ADAM12: variants seen among roughly 807,000 people sequenced by gnomAD.
ADAM12 encodes disintegrin and metalloproteinase domain-containing protein 12.
In ADAM12, 70 loss-of-function variants were observed where a neutral mutation model predicts 106.4. That is an observed-to-expected ratio of 0.66 (90% CI 0.54 to 0.80). The LOEUF (loss-of-function observed/expected upper bound fraction) is 0.80, where lower values mean the gene tolerates loss of function less well. Among genes scored for constraint, ADAM12 ranks in the 30% least tolerant of loss-of-function variants. The pLI is 0.00. For synonymous variants in ADAM12, 420 were observed against 433.5 expected (o/e 0.97, Z 0.39); for missense variants, 1,010 against 1,171.9 (o/e 0.86, Z 2.02).
Position 126,135,629 on chromosome 10 carries a change from C to T in ADAM12, c.371G>A (p.Gly124Glu), listed in dbSNP as rs1476451891. Residue 124 changes from glycine to glutamate, a missense_variant, in exon 5 of 23, where the codon GGA (glycine) becomes GAA (glutamate). Transcript: ENST00000448723. ...GHCYYHGHVR[G>E]YSDSAVSLST... ...GAGACTGACTGCTGAATCAGAATATCCCCGTACATGTCCATGGTAGTAACA... is the reference window on the plus strand; with the variant it reads ...GAGACTGACTGCTGAATCAGAATATTCCCGTACATGTCCATGGTAGTAACA... 1.2e-6 allele frequency: 2 copies of T among 1,614,188 alleles called. No individual in the cohort carries two copies. The highest frequency in any genetic ancestry group is 2.2e-5 in the South Asian group (2 of 91,074).
At chr10:126,191,440 A>G (rs773702475) in intron 3 of ADAM12, among the ~76,000 whole-genome samples, 1 of 152,154 alleles carries the variant, frequency 6.6e-6, no homozygotes, top group Non-Finnish European at 1.5e-5. Context: ...GCATGAGTCC[A>G]GATGAAAGGT....
intron 3 of ADAM12, among the ~76,000 whole-genome samples, chr10:126,250,216 A>G (rs2133679926): frequency 6.6e-6 from 1 of 152,202 alleles, no homozygotes; most frequent in East Asian, 1.9e-4. Context: ...TCAAGGACTC[A>G]ATAAACCCAA....
At chr10:126,040,223 G>GACTT (rs1954136366) in intron 18 of ADAM12, among the ~76,000 whole-genome samples, 1 of 152,338 alleles carries the variant, frequency 6.6e-6, no homozygotes, top group East Asian at 1.9e-4. Context: ...TAAATGCTCA[G>GACTT]ACTTAGAGGA....
intron 3 of ADAM12, among the ~76,000 whole-genome samples, chr10:126,185,964 T>C (rs918562443): frequency 3.9e-5 from 6 of 152,206 alleles, no homozygotes; most frequent in Non-Finnish European, 7.3e-5. Flanking sequence ...TGATATTTTG[T>C]TTAAATGTTC....
chr10:126,093,910 T>G, intron 11 of ADAM12, 75 bp downstream of exon 11: 1 of 1,576,046 alleles, frequency 6.3e-7, no homozygotes, highest in South Asian at 1.2e-5. Flanking sequence ...CCAGAGACAC[T>G]TTGACTCATC....
At chr10:126,283,558 G>T (rs1027246328) in intron 2 of ADAM12, among the ~76,000 whole-genome samples, 4 of 152,174 alleles carry the variant, frequency 2.6e-5, no homozygotes, top group African/African-American at 9.7e-5. Flanking sequence ...TCAGTAGCAA[G>T]ACAGAGCACC....
chr10:126,086,680 AATAT>A lies in ADAM12; in HGVS notation c.1145+7301_1145+7304del, dbSNP rs1210379675. ...AAAAAAAAAAAAAAAAAAAAAAAAAAATATATATATATATATATATATATATAAA... is the reference window on the plus strand; with the variant it reads ...AAAAAAAAAAAAAAAAAAAAAAAAAAATATATATATATATATATATATAAA... On this transcript the variant is annotated intron_variant, in intron 11 of 22. Coordinates refer to ENST00000448723, the MANE Select transcript of ADAM12 (RefSeq NM_001288973.2). Among the ~76,000 whole-genome samples, 58 of 24,266 alleles carry A rather than the reference AATAT, an allele frequency of 2.4e-3. 1 individual carries two copies. Among genetic ancestry groups the A allele is most frequent in the Admixed American group, 5.5e-3 (7 of 1,264 alleles). 15.9% of individuals were successfully genotyped at this position (24,266 alleles called of 152,430 possible).
rs1386777420 is a variant in ADAM12 at position 126,017,120 on chromosome 10, A to G, written c.*159T>C. Reference sequence around the variant, plus strand: ...TACCTGAGCAAGTAGACAGAGCACCATAGCACAGCACAGCACTGACGGCAG... The same window carrying G: ...TACCTGAGCAAGTAGACAGAGCACCGTAGCACAGCACAGCACTGACGGCAG... On this transcript the variant is annotated 3_prime_UTR_variant, in exon 23 of 23. Transcript: ENST00000448723. 3.8e-5 allele frequency: 24 copies of G among 639,958 alleles called. 1 individual carries two copies. Among genetic ancestry groups the G allele is most frequent in the South Asian group, 1.1e-4 (5 of 44,846 alleles). The allele number at this position is 639,958 out of a possible 1,614,324, so 39.6% of individuals were successfully genotyped here. A position where few individuals can be genotyped will look rare whatever the true frequency, so the allele number is the denominator to read the frequency against.
chr10:126,203,549 A>G (rs1359247202), intron 3 of ADAM12, among the ~76,000 whole-genome samples: 3 of 152,222 alleles, frequency 2.0e-5, no homozygotes. Context: ...TCAGGAAGAA[A>G]AATGATTTGG....
At chr10:126,355,830 C>A (rs1355773996) in intron 1 of ADAM12, among the ~76,000 whole-genome samples, 1 of 152,194 alleles carries the variant, frequency 6.6e-6, no homozygotes, top group Admixed American at 6.5e-5. Flanking sequence ...CTCTGTGTAT[C>A]TTCCAGTGGC....
Position 126,107,749 on chromosome 10 carries a change from C to T in ADAM12, c.741+844G>A, listed in dbSNP as rs1308652325. ...AATTGCTGGGGAGCTTCTGAAAATT[C>T]GAGGTCTAACCTCCCCCCCGCCCTG... is the stretch of plus-strand genomic sequence containing the variant. On this transcript the variant is annotated intron_variant, in intron 8 of 22. Coordinates refer to ENST00000448723, the MANE Select transcript of ADAM12 (RefSeq NM_001288973.2). Among the ~76,000 whole-genome samples, 5 of 152,130 alleles carry T rather than the reference C, an allele frequency of 3.3e-5. No homozygotes were observed. In the East Asian group the frequency reaches 5.8e-4, roughly 18 times the overall value.
intron 3 of ADAM12, among the ~76,000 whole-genome samples, chr10:126,168,823 CG>C (rs1957069812): frequency 6.6e-6 from 1 of 152,096 alleles, no homozygotes; most frequent in African/African-American, 2.4e-5. Flanking sequence ...GAGGCTGAGG[CG>C]GGCGGATCAC....
chr10:126,279,751 A>C (rs1388710861), intron 2 of ADAM12, among the ~76,000 whole-genome samples: 1 of 152,064 alleles, frequency 6.6e-6, no homozygotes, highest in African/African-American at 2.4e-5. Flanking sequence ...AAGAAGAAGA[A>C]GACAAGAGTG....
chr10:126,375,698 A>T (rs1258911747), intron 1 of ADAM12, among the ~76,000 whole-genome samples: 3 of 22,044 alleles, frequency 1.4e-4, no homozygotes, highest in African/African-American at 7.0e-4. Context: ...CATTAAAGTT[A>T]AAAAAAAAAA....
chr10:126,318,381 C>G (rs1320081052), intron 2 of ADAM12, among the ~76,000 whole-genome samples: 3 of 150,986 alleles, frequency 2.0e-5, no homozygotes, highest in Admixed American at 6.7e-5. Flanking sequence ...CATCCACAAG[C>G]TCAGAGTCAC....
chr10:126,051,584 T>TCCAGCCAGCCAGCCAGCCAG lies in ADAM12; in HGVS notation c.1610-1916_1610-1915insCTGGCTGGCTGGCTGGCTGG, dbSNP rs1225316037. ...ATCCATCCATCCATCCATCCATCCATCCATCCAGCCAGCCAGCCACCTGTC... is the reference window on the plus strand; with the variant it reads ...ATCCATCCATCCATCCATCCATCCATCCAGCCAGCCAGCCAGCCAGCCATCCAGCCAGCCAGCCACCTGTC... On this transcript the variant is annotated intron_variant, in intron 14 of 22. Coordinates refer to ENST00000448723, the MANE Select transcript of ADAM12 (RefSeq NM_001288973.2). Among the ~76,000 whole-genome samples, 128 of 122,288 alleles carry TCCAGCCAGCCAGCCAGCCAG rather than the reference T, an allele frequency of 1.0e-3. 1 individual carries two copies. Among genetic ancestry groups the TCCAGCCAGCCAGCCAGCCAG allele is most frequent in the South Asian group, 2.8e-3 (10 of 3,536 alleles). The allele number at this position is 122,288 out of a possible 152,430, so 80.2% of individuals were successfully genotyped here. A position where few individuals can be genotyped will look rare whatever the true frequency, so the allele number is the denominator to read the frequency against.
rs1856742619 is a variant in ADAM12 at position 126,388,118 on chromosome 10, G to A, written c.28C>T (p.Pro10Ser). ...AGGGCGAGCAGGAGGGCGCGGGCGG[G>A]GGACACGGGCAGCGGGCGCGCTGCC... is the stretch of plus-strand genomic sequence containing the variant. MAARPLPVSPARALLLALAG... is the reference protein window; with the variant it reads MAARPLPVSSARALLLALAG... The change falls in exon 1 of 23, where the codon CCC (proline) becomes TCC (serine). Residue 10 changes from proline to serine, a missense_variant. Pro to Ser is a moderately conservative substitution (Grantham distance 74, BLOSUM62 -1). Transcript: ENST00000448723. The surrounding 1 kb of genome is among the most constrained non-coding windows in gnomAD (Gnocchi z 4.4). 9.0e-6 allele frequency: 11 copies of A among 1,224,288 alleles called. No homozygotes were observed. Among genetic ancestry groups the A allele is most frequent in the Non-Finnish European group, 1.1e-5 (11 of 982,738 alleles). 75.8% of individuals were successfully genotyped at this position (1,224,288 alleles called of 1,614,324 possible). A position where few individuals can be genotyped will look rare whatever the true frequency, so the allele number is the denominator to read the frequency against.
chr10:126,206,559 A>G (rs1957798386), intron 3 of ADAM12, among the ~76,000 whole-genome samples: 1 of 152,210 alleles, frequency 6.6e-6, no homozygotes, highest in African/African-American at 2.4e-5. Context: ...TGACAAACAC[A>G]ACACATCTCA....
At chr10:126,201,883 C>T (rs989087193) in intron 3 of ADAM12, among the ~76,000 whole-genome samples, 2 of 152,242 alleles carry the variant, frequency 1.3e-5, no homozygotes, top group African/African-American at 4.8e-5. Flanking sequence ...CCTTCTACCT[C>T]GAGCAGAGAG....
Sources: allele counts gnomAD v4.1 joint callset (sites outside exome capture counted in the v4.1 genomes callset), GRCh38; gene constraint gnomAD v4.1.1; non-coding constraint Gnocchi (gnomAD v3.1); transcripts MANE v1.5; gene names NCBI Gene and HGNC (gene_info 2026-07-23, HGNC 2026-07-21).